Variants in RPS29 observed in about 807,000 individuals in gnomAD.
RPS29 encodes the protein small ribosomal subunit protein uS14.
For missense variants in RPS29, 60 were observed against 75.7 expected, an observed-to-expected ratio of 0.79 and a Z score of 0.77; for synonymous variants, 37 against 26.9, an observed-to-expected ratio of 1.37 and a Z score of -1.16.
At chr14:49,584,117 G>C (rs1881432570) in intron 2 of RPS29, among the ~76,000 whole-genome samples, 1 of 152,220 alleles carries the variant, frequency 6.6e-6, no homozygotes, top group African/African-American at 2.4e-5. Flanking sequence ...GAGTAGCTGA[G>C]ACCACAGGCG....
intron 1 of RPS29, among the ~76,000 whole-genome samples, chr14:49,594,020 T>G (rs537075928): frequency 1.3e-5 from 2 of 152,240 alleles, no homozygotes; most frequent in Non-Finnish European, 2.9e-5. Flanking sequence ...ATAGTGTACC[T>G]TTACTCTTAA....
At chr14:49,573,669 A>C (rs559156400) in exon 3 of RPS29, 1 of 152,308 alleles carries the variant, frequency 6.6e-6, no homozygotes, top group East Asian at 1.9e-4. Context: ...GGATTTCTCA[A>C]GCATGTCAGC....
At chr14:49,594,406 T>A (rs1035721602) in intron 1 of RPS29, among the ~76,000 whole-genome samples, 1 of 151,776 alleles carries the variant, frequency 6.6e-6, no homozygotes, top group African/African-American at 2.4e-5. Flanking sequence ...GAAGACCTGG[T>A]AAATTTAGCA....
chr14:49,585,072 TCAAA>T (rs1027679714), intron 2 of RPS29, among the ~76,000 whole-genome samples: 4 of 151,794 alleles, frequency 2.6e-5, no homozygotes, highest in Non-Finnish European at 4.4e-5. Flanking sequence ...TATGACGCTT[TCAAA>T]CATTTTGGGT....
chr14:49,583,565 CAT>C, downstream of RPS29: 4 of 1,304,886 alleles, frequency 3.1e-6, no homozygotes, highest in Non-Finnish European at 4.3e-6. Context: ...TTAGAACACT[CAT>C]AAACTGAAGG....
intron 1 of RPS29, among the ~76,000 whole-genome samples, chr14:49,596,876 C>A (rs1881836624): frequency 6.7e-6 from 1 of 149,184 alleles, no homozygotes; most frequent in Non-Finnish European, 1.5e-5. Flanking sequence ...CAAGCTGGGA[C>A]TACAGACGCG....
At chr14:49,582,248 G>T (rs1408615124), downstream of RPS29, among the ~76,000 whole-genome samples, 1 of 152,142 alleles carries the variant, frequency 6.6e-6, no homozygotes, top group Non-Finnish European at 1.5e-5. Flanking sequence ...GGACAGCATA[G>T]TAATACCCCA....
At chr14:49,586,682 T>C (rs1881578880), upstream of RPS29, 2 of 300,964 alleles carry the variant, frequency 6.6e-6, no homozygotes, top group African/African-American at 2.1e-5. Flanking sequence ...GCTATGCCGA[T>C]CGGGTGTCCG....
exon 3 of RPS29, chr14:49,574,560 C>G (rs142858701): frequency 6.6e-5 from 10 of 152,310 alleles, no homozygotes; most frequent in Admixed American, 6.5e-4. Context: ...TAACACCAGT[C>G]TCTTTCTCTC....
At chr14:49,584,465 T>A (rs769119697) in intron 2 of RPS29, among the ~76,000 whole-genome samples, 5 of 152,238 alleles carry the variant, frequency 3.3e-5, no homozygotes, top group Admixed American at 6.5e-5. Context: ...GCAGTATTCA[T>A]ATTAACAATT....
intron 1 of RPS29, among the ~76,000 whole-genome samples, chr14:49,593,476 G>T (rs1176015472): frequency 6.6e-6 from 1 of 152,088 alleles, no homozygotes; most frequent in Non-Finnish European, 1.5e-5. Context: ...GGCCAAGGTA[G>T]GTGGATCACC....
chr14:49,593,054 C>A (rs1228334989), intron 1 of RPS29, among the ~76,000 whole-genome samples: 3 of 152,102 alleles, frequency 2.0e-5, no homozygotes, highest in Non-Finnish European at 4.4e-5. Context: ...TGTCACTGTT[C>A]CCCAGGAATG....
downstream of RPS29, among the ~76,000 whole-genome samples, chr14:49,579,083 A>G (rs990505445): frequency 1.6e-4 from 24 of 152,210 alleles, no homozygotes; most frequent in African/African-American, 5.3e-4. Flanking sequence ...AATCCACATG[A>G]TGAAACCCTA....
chr14:49,580,784 C>T (rs1881311403), downstream of RPS29, among the ~76,000 whole-genome samples: 1 of 151,948 alleles, frequency 6.6e-6, no homozygotes, highest in Non-Finnish European at 1.5e-5. Context: ...ACCTGGCAGG[C>T]TGAGGCAGGA....
Position 49,596,778 on chromosome 14 carries a change from C to CTTT in RPS29, c.-133+1619_-133+1621dup, listed in dbSNP as rs35726560. 3.0e-5 allele frequency among the ~76,000 whole-genome samples: 4 copies of CTTT among 133,922 alleles called. No homozygotes were observed. In the East Asian group the frequency reaches 6.4e-4, roughly 22 times the overall value. The allele number at this position is 133,922 out of a possible 152,430, so 87.9% of individuals were successfully genotyped here. Reference sequence around the variant, plus strand: ...ACCAAATAAAGGACTGAGATTGAGGCTTTTTTTTTTTTTTTTTGAGACAAG... The same window carrying CTTT: ...ACCAAATAAAGGACTGAGATTGAGGCTTTTTTTTTTTTTTTTTTTTGAGACAAG... On this transcript the variant is annotated intron_variant, in intron 1 of 3. Transcript: ENST00000556230.
upstream of RPS29, among the ~76,000 whole-genome samples, chr14:49,589,244 T>C (rs917655198): frequency 6.6e-6 from 1 of 152,022 alleles, no homozygotes; most frequent in African/African-American, 2.4e-5. Flanking sequence ...TTTCCTTTAA[T>C]AGGATATTTA....
Position 49,585,849 on chromosome 14 carries a change from T to TA in RPS29, c.162+100dup, listed in dbSNP as rs907939365. 29 of 869,986 alleles carry TA rather than the reference T, an allele frequency of 3.3e-5. No homozygotes were observed. In the Admixed American group the frequency reaches 4.9e-4, roughly 15 times the overall value. The allele number at this position is 869,986 out of a possible 1,614,324, so 53.9% of individuals were successfully genotyped here. On this transcript the variant is annotated intron_variant, in intron 2 of 2. Coordinates refer to ENST00000245458, the MANE Select transcript of RPS29 (RefSeq NM_001032.5). ...AAGCTCTTGGTCGAATGCTCAGAAT[T>TA]ACCACTCCAGGGAAGATCTGTCCGT...
At chr14:49,573,815 A>G (rs912482364) in exon 3 of RPS29, 4 of 152,198 alleles carry the variant, frequency 2.6e-5, no homozygotes, top group East Asian at 3.8e-4. Context: ...ATGAATGTTA[A>G]TAAGAGTTAA....
chr14:49,581,168 C>A (rs1330557949), downstream of RPS29, among the ~76,000 whole-genome samples: 1 of 150,616 alleles, frequency 6.6e-6, no homozygotes, highest in Non-Finnish European at 1.5e-5. Flanking sequence ...CCAGCCTGGG[C>A]AACATGAGCA....
Sources: allele counts gnomAD v4.1 joint callset (sites outside exome capture counted in the v4.1 genomes callset), GRCh38; gene constraint gnomAD v4.1.1; transcripts MANE v1.5; gene names NCBI Gene and HGNC (gene_info 2026-07-23, HGNC 2026-07-21).